The following AKAP9 variants were observed in gnomAD, a reference collection of about 807,000 sequenced individuals.
AKAP9 encodes A-kinase anchor protein 9.
A neutral mutation model predicts 488.5 loss-of-function variants in AKAP9; 311 were observed. The observed-to-expected ratio is 0.64, with a 90% CI of 0.58 to 0.70. The LOEUF (loss-of-function observed/expected upper bound fraction) is 0.70. Ranked by LOEUF, AKAP9 falls within the 30% of genes least tolerant of loss-of-function variation. AKAP9 has a pLI of 0.00. For missense variants in AKAP9, 4,215 were observed against 4,374.5 expected (o/e 0.96, Z 1.03); for synonymous variants, 1,462 against 1,483.5 (o/e 0.99, Z 0.33).
Position 92,097,428 on chromosome 7 carries a change from A to G in AKAP9, c.10398+71A>G. 7 of 1,558,330 alleles carry G rather than the reference A, an allele frequency of 4.5e-6. No individual in the cohort carries two copies. In the South Asian group the frequency reaches 5.9e-5, roughly 13 times the overall value. ...AGCCCTTTGATCATTAAATTTTGATATTGGATTAAATTACTTAAATAGCTA... is the reference window on the plus strand; with the variant it reads ...AGCCCTTTGATCATTAAATTTTGATGTTGGATTAAATTACTTAAATAGCTA... On this transcript the variant is annotated intron_variant, in intron 41 of 49. Coordinates refer to ENST00000356239, the MANE Select transcript of AKAP9 (RefSeq NM_005751.5).
intron 33 of AKAP9, 49 bp from the exon 34 acceptor site, chr7:92,084,591 A>G (rs1814171148): frequency 7.1e-7 from 1 of 1,403,026 alleles, no homozygotes; most frequent in African/African-American, 1.4e-5. Context: ...ATTGTATTCT[A>G]TTTTTATTAA....
intron 21 of AKAP9, among the ~76,000 whole-genome samples, chr7:92,052,142 G>A (rs934757252): frequency 5.3e-5 from 8 of 152,178 alleles, no homozygotes; most frequent in Admixed American, 2.6e-4. Context: ...AGCCAAAGCA[G>A]ATGATATTGC....
chr7:91,979,026 C>T (rs571790829), intron 2 of AKAP9, among the ~76,000 whole-genome samples: 35 of 151,006 alleles, frequency 2.3e-4, no homozygotes, highest in African/African-American at 7.8e-4. Context: ...GATCCACCCA[C>T]CTCAGCCTCC....
In AKAP9 at chr7:91,988,107, C is replaced by G. The variant is rs71558901; in HGVS notation, c.352-4051C>G. 2.1e-3 allele frequency among the ~76,000 whole-genome samples: 325 copies of G among 151,958 alleles called. 4 individuals carry two copies. Among genetic ancestry groups the G allele is most frequent in the African/African-American group, 7.3e-3 (303 of 41,436 alleles). Reference sequence around the variant, plus strand: ...AGGTTACATTTTTCAATGTAATCTTCTAAGTCACTGTTTATTCCACACGGT... The same window carrying G: ...AGGTTACATTTTTCAATGTAATCTTGTAAGTCACTGTTTATTCCACACGGT... On this transcript the variant is annotated intron_variant, in intron 3 of 49. Transcript: ENST00000356239.
chr7:92,075,816 T>C (rs772062221), intron 28 of AKAP9, among the ~76,000 whole-genome samples: 1 of 152,230 alleles, frequency 6.6e-6, no homozygotes, highest in South Asian at 2.1e-4. Context: ...CTAAGCTAAC[T>C]GGTTTTTAAG....
intron 26 of AKAP9, among the ~76,000 whole-genome samples, chr7:92,068,908 C>T (rs1344623887): frequency 6.6e-6 from 1 of 152,004 alleles, no homozygotes; most frequent in Non-Finnish European, 1.5e-5. Context: ...TATTTCTTAC[C>T]ATCACATGTC....
At chr7:92,016,328 G>A in intron 11 of AKAP9, 61 bp downstream of exon 11, 1 of 1,223,322 alleles carries the variant, frequency 8.2e-7, no homozygotes, top group South Asian at 1.5e-5. Flanking sequence ...ATTGATGACA[G>A]ATTTTTACTT....
At chr7:92,058,079 T>C in intron 22 of AKAP9, 1 of 494,770 alleles carries the variant, frequency 2.0e-6, no homozygotes, top group Admixed American at 2.7e-5. Context: ...TATACTGCTA[T>C]GGTAGATCTT....
At chr7:91,994,089 G>A (rs1180961865) in intron 5 of AKAP9, among the ~76,000 whole-genome samples, 4 of 152,116 alleles carry the variant, frequency 2.6e-5, no homozygotes, top group Non-Finnish European at 4.4e-5. Flanking sequence ...AAATCACACC[G>A]CTGCACTCTA....
At chr7:92,031,420 C>T (rs1304505756) in intron 15 of AKAP9, 92 bp from the exon 16 acceptor site, 26 of 864,634 alleles carry the variant, frequency 3.0e-5, no homozygotes, top group Non-Finnish European at 4.9e-5. Flanking sequence ...TCTAAAAATA[C>T]TGATACTTTG....
chr7:91,985,298 A>G (rs1156784286), intron 3 of AKAP9, among the ~76,000 whole-genome samples: 9 of 152,076 alleles, frequency 5.9e-5, no homozygotes, highest in African/African-American at 7.2e-5. Context: ...ATCAATACCT[A>G]GTTTATTGAG....
chr7:91,992,779 T>C, intron 4 of AKAP9, 106 bp from the exon 5 acceptor site: 2 of 1,027,936 alleles, frequency 1.9e-6, no homozygotes, highest in Non-Finnish European at 2.9e-6. Flanking sequence ...TTCCAGGTGG[T>C]GAGTGATGTT....
intron 8 of AKAP9, among the ~76,000 whole-genome samples, chr7:92,006,704 A>G (rs942267388): frequency 2.6e-5 from 4 of 152,204 alleles, no homozygotes; most frequent in Non-Finnish European, 5.9e-5. Context: ...TATCTCTAAT[A>G]CACTTAGGTA....
At position 92,040,746 on chromosome 7, in the gene AKAP9, G is replaced by A. The variant is rs371957004; in HGVS notation, c.4765G>A (p.Asp1589Asn). The A allele has an allele frequency of 9.9e-6, 16 of 1,612,188 alleles. No homozygotes were observed. The highest frequency in any genetic ancestry group is 2.2e-5 in the South Asian group (2 of 91,004). The change falls in exon 18 of 50, where the codon GAT becomes AAT. Residue 1589 changes from aspartate to asparagine, a missense_variant. Transcript: ENST00000356239. ...AATGTTGAATGAAGAACAGTTGGAAGATATGAGACAGGAACTTGTACGACA... is the reference window on the plus strand; with the variant it reads ...AATGTTGAATGAAGAACAGTTGGAAAATATGAGACAGGAACTTGTACGACA... ...QLMLNEEQLE[D>N]MRQELVRQYQ...
intron 6 of AKAP9, among the ~76,000 whole-genome samples, chr7:91,995,058 G>A (rs747798981): frequency 2.6e-5 from 4 of 152,092 alleles, no homozygotes; most frequent in Non-Finnish European, 5.9e-5. Flanking sequence ...TTAACCTGTA[G>A]TCACATCCTA....
At position 92,042,168 on chromosome 7, in the gene AKAP9, C is replaced by T; in HGVS notation, c.5040C>T (p.Asn1680=). ...AGAAGCTGTGTTGTGAGCTGCGCAA[C>T]AGCAGTACGCAAACACAGGTAGTAT... is the stretch of plus-strand genomic sequence containing the variant. ...GREKLCCELR[N]SSTQTQNGNE... The change falls in exon 19 of 50, where the codon AAC becomes AAT. Residue 1680 remains asparagine (N), a synonymous_variant. Transcript: ENST00000356239. 5 of 1,613,838 alleles carry T rather than the reference C, an allele frequency of 3.1e-6. No individual in the cohort carries two copies. The highest frequency in any genetic ancestry group is 3.4e-6 in the Non-Finnish European group (4 of 1,179,830).
At position 92,109,224 on chromosome 7, in the gene AKAP9, T is replaced by A. The variant is rs531638175; in HGVS notation, c.11686+591T>A. On this transcript the variant is annotated intron_variant, in intron 49 of 49. Transcript: ENST00000356239. ...CTTTGTAAGGATTATTTTTTCTTTG[T>A]TCAAAAACAAAAAACAAGTCATACT... Among the ~76,000 whole-genome samples the A allele has an allele frequency of 3.9e-5, 6 of 152,336 alleles. No individual in the cohort carries two copies. The South Asian group carries it at 1.2e-3, about 32-fold the overall frequency.
intron 14 of AKAP9, among the ~76,000 whole-genome samples, chr7:92,023,917 G>T (rs960490887): frequency 2.6e-5 from 4 of 152,034 alleles, no homozygotes; most frequent in African/African-American, 9.7e-5. Flanking sequence ...CCAGATACAT[G>T]CCTGGCCAAC....
intron 2 of AKAP9, among the ~76,000 whole-genome samples, chr7:91,977,890 T>C (rs928135314): frequency 1.3e-5 from 2 of 152,188 alleles, no homozygotes; most frequent in Non-Finnish European, 1.5e-5. Context: ...CCGTTTCTAG[T>C]ACACAATATG....
Sources: allele counts gnomAD v4.1 joint callset (sites outside exome capture counted in the v4.1 genomes callset), GRCh38; gene constraint gnomAD v4.1.1; transcripts MANE v1.5; gene names NCBI Gene and HGNC (gene_info 2026-07-23, HGNC 2026-07-21).